PDE6C: variants seen among roughly 807,000 people sequenced by gnomAD.
The protein encoded by PDE6C is cone cGMP-specific 3',5'-cyclic phosphodiesterase subunit alpha'.
A neutral mutation model predicts 113.1 loss-of-function variants in PDE6C; 75 were observed. The observed-to-expected ratio is 0.66, with a 90% CI of 0.55 to 0.80. The LOEUF is 0.80. PDE6C is among the 30% of genes least tolerant of loss of function. PDE6C has a pLI of 0.00. For synonymous variants in PDE6C, 375 were observed against 363.7 expected (o/e 1.03, Z -0.35); for missense variants, 912 against 1,038.6 (o/e 0.88, Z 1.67).
At chr10:93,661,833 G>C (rs1227314106) in intron 18 of PDE6C, among the ~76,000 whole-genome samples, 1 of 152,156 alleles carries the variant, frequency 6.6e-6, no homozygotes, top group East Asian at 1.9e-4. Context: ...ATGGGAGATA[G>C]ATACTCCTAG....
chr10:93,660,783 T>C (rs2058662493), intron 18 of PDE6C, among the ~76,000 whole-genome samples: 1 of 152,062 alleles, frequency 6.6e-6, no homozygotes, highest in Admixed American at 6.6e-5. Context: ...ATCTCCCTCA[T>C]TTCAAAATCA....
At chr10:93,658,503 G>A (rs2058651180) in intron 16 of PDE6C, among the ~76,000 whole-genome samples, 1 of 151,986 alleles carries the variant, frequency 6.6e-6, no homozygotes, top group South Asian at 2.1e-4. Flanking sequence ...AAGAGACAGG[G>A]TCTTGCTTTG....
At chr10:93,625,685 A>G (rs776392319) in intron 5 of PDE6C, 36 bp downstream of exon 5, 6 of 1,456,560 alleles carry the variant, frequency 4.1e-6, no homozygotes, top group Non-Finnish European at 5.8e-6. Flanking sequence ...CCATCTGTGC[A>G]TGGTGTCAGG....
At chr10:93,640,851 C>A in intron 13 of PDE6C, 69 bp from the exon 14 acceptor site, 1 of 1,009,140 alleles carries the variant, frequency 9.9e-7, no homozygotes, top group Non-Finnish European at 1.5e-6. Flanking sequence ...CTATTGCAGG[C>A]TGCACTTGGT....
At position 93,663,111 on chromosome 10, in the gene PDE6C, T is replaced by C. The variant is rs768125302; in HGVS notation, c.2451T>C (p.Asp817=). The stretch of plus-strand genomic sequence containing the variant: ...GAGTAGAATGGAAATCACTAGCTGA[T>C]GAGTATGATGCAAAGATGAAGGTCA... The part of the protein sequence containing the change: ...NNRVEWKSLA[D]EYDAKMKVIE... Residue 817 remains aspartate, a synonymous_variant, in exon 21 of 22, where the codon GAT becomes GAC. Coordinates refer to ENST00000371447, the MANE Select transcript of PDE6C (RefSeq NM_006204.4). 1.9e-6 allele frequency: 3 copies of C among 1,613,430 alleles called. No homozygotes were observed. The highest frequency in any genetic ancestry group is 1.1e-5 in the South Asian group (1 of 91,066).
rs377473146 is a variant in PDE6C at position 93,663,010 on chromosome 10, A to C, written c.2368-18A>C. 1.7e-5 allele frequency: 27 copies of C among 1,600,924 alleles called. No homozygotes were observed. Among genetic ancestry groups the C allele is most frequent in the Non-Finnish European group, 2.1e-5 (25 of 1,170,154 alleles). On this transcript the variant is annotated intron_variant, in intron 20 of 21. Transcript: ENST00000371447. ...AACTGTATGATTTATGTAGTTTCTG[A>C]CCTAAAATTCCTTTTAGGAGTTCTC...
intron 18 of PDE6C, among the ~76,000 whole-genome samples, chr10:93,660,369 G>A (rs563462762): frequency 6.6e-6 from 1 of 152,286 alleles, no homozygotes; most frequent in South Asian, 2.1e-4. Context: ...ATTCAACAAA[G>A]AGGGTATGAT....
At chr10:93,642,965 T>C (rs997562787) in intron 14 of PDE6C, among the ~76,000 whole-genome samples, 1 of 152,184 alleles carries the variant, frequency 6.6e-6, no homozygotes, top group African/African-American at 2.4e-5. Flanking sequence ...GCAAGTCCCC[T>C]GACAGTCACT....
chr10:93,626,685 G>A lies in PDE6C; in HGVS notation c.985G>A (p.Glu329Lys), dbSNP rs2058474386. ...CATTGATTACATTTTACATGGAAAAGAAGAGATCAAAGTGATTCCGTGAGT... is the reference window on the plus strand; with the variant it reads ...CATTGATTACATTTTACATGGAAAAAAAGAGATCAAAGTGATTCCGTGAGT... ...KIIDYILHGKEEIKVIPTPPA... is the reference protein window; with the variant it reads ...KIIDYILHGKKEIKVIPTPPA... Residue 329 changes from glutamate (E) to lysine (K), a missense_variant, in exon 6 of 22, where the codon GAA becomes AAA. Glu to Lys is a moderately conservative substitution (Grantham distance 56). Transcript: ENST00000371447. 5 of 1,604,980 alleles carry A rather than the reference G, an allele frequency of 3.1e-6. No individual in the cohort carries two copies. The East Asian group carries it at 1.1e-4, about 36-fold the overall frequency.
chr10:93,633,758 C>T (rs902424303), intron 8 of PDE6C, among the ~76,000 whole-genome samples: 8 of 151,892 alleles, frequency 5.3e-5, no homozygotes, highest in Admixed American at 3.9e-4. Context: ...AGTATTTTAA[C>T]GGGAGAATTT....
intron 1 of PDE6C, among the ~76,000 whole-genome samples, chr10:93,616,158 A>G (rs2058418472): frequency 6.6e-6 from 1 of 152,224 alleles, no homozygotes; most frequent in Non-Finnish European, 1.5e-5. Flanking sequence ...TGTAGTAGGA[A>G]TCGTTCAAAG....
intron 1 of PDE6C, among the ~76,000 whole-genome samples, chr10:93,615,974 C>T (rs2058417703): frequency 6.6e-6 from 1 of 152,126 alleles, no homozygotes; most frequent in South Asian, 2.1e-4. Context: ...TGTTTGCCTA[C>T]CTTACACCCC....
chr10:93,640,597 T>C, intron 13 of PDE6C, 40 bp downstream of exon 13: 3 of 1,313,980 alleles, frequency 2.3e-6, no homozygotes, highest in South Asian at 1.2e-5. Context: ...AACCTGCAGA[T>C]TTCCCATTTG....
In PDE6C at chr10:93,612,785, C is replaced by T; in HGVS notation, c.60C>T (p.Ala20=). 1 of 1,614,132 alleles carries T rather than the reference C, an allele frequency of 6.2e-7. No individual in the cohort carries two copies. Among genetic ancestry groups the T allele is most frequent in the Non-Finnish European group, 8.5e-7 (1 of 1,180,022 alleles). The change falls in exon 1 of 22, where the codon GCC becomes GCT. Residue 20 remains alanine, a synonymous_variant. Coordinates refer to ENST00000371447, the MANE Select transcript of PDE6C (RefSeq NM_006204.4). The part of the protein sequence containing the change: ...EKYLEENPQF[A]KEYFDRKLRV... ...ACCTGGAGGAGAACCCTCAGTTTGC[C>T]AAGGAGTACTTTGACAGGAAGTTGC...
At chr10:93,640,404 C>A in intron 12 of PDE6C, 46 bp from the exon 13 acceptor site, 2 of 1,470,724 alleles carry the variant, frequency 1.4e-6, no homozygotes, top group African/African-American at 1.4e-5. Flanking sequence ...ACCTTCTAAC[C>A]TTTAGAATTC....
chr10:93,655,906 G>A (rs771415553), intron 16 of PDE6C, 46 bp downstream of exon 16: 3 of 956,822 alleles, frequency 3.1e-6, no homozygotes, highest in Non-Finnish European at 5.2e-6. Context: ...ACTCTGTGTG[G>A]TTTTACCTTC....
At chr10:93,625,235 C>T (rs903853085) in intron 4 of PDE6C, among the ~76,000 whole-genome samples, 26 of 152,288 alleles carry the variant, frequency 1.7e-4, no homozygotes, top group Middle Eastern at 3.4e-3. Flanking sequence ...AAGCCTTTTA[C>T]CAGATTTAGC....
chr10:93,641,756 C>T (rs2058561191), intron 14 of PDE6C, among the ~76,000 whole-genome samples: 1 of 152,186 alleles, frequency 6.6e-6, no homozygotes, highest in Non-Finnish European at 1.5e-5. Context: ...TACCCCTGGG[C>T]TCACTACCCT....
chr10:93,640,301 G>A, intron 12 of PDE6C, 85 bp downstream of exon 12: 1 of 1,385,468 alleles, frequency 7.2e-7, no homozygotes, highest in Non-Finnish European at 1.0e-6. Flanking sequence ...GATGGACTCA[G>A]TTTGAATTTT....
Sources: gnomAD v4.1 joint callset for allele counts (sites outside exome capture counted in the v4.1 genomes callset) on GRCh38, gnomAD v4.1.1 for gene constraint, MANE v1.5 for transcripts, NCBI Gene and HGNC (gene_info 2026-07-23, HGNC 2026-07-21) for gene names.